Variants in SEMA5A observed in about 807,000 individuals in gnomAD.
SEMA5A encodes semaphorin 5A.
SEMA5A carries 55 observed loss-of-function variants against 135.5 expected under a neutral mutation model. The ratio of observed to expected loss-of-function variants is 0.41; its 90% CI spans 0.33 to 0.51. The LOEUF is 0.51. SEMA5A is among the 20% of genes least tolerant of loss of function. The pLI, the probability that SEMA5A is intolerant of heterozygous loss-of-function variation, is 0.37. For synonymous variants in SEMA5A, 580 were observed against 546.5 expected (o/e 1.06, Z -0.85); for missense variants, 1,290 against 1,419.9 (o/e 0.91, Z 1.47).
intron 3 of SEMA5A, among the ~76,000 whole-genome samples, chr5:9,354,135 G>A (rs1366904285): frequency 6.6e-6 from 1 of 152,126 alleles, no homozygotes; most frequent in Non-Finnish European, 1.5e-5. Context: ...AGGCAATGAG[G>A]AAAATAAATG....
intron 15 of SEMA5A, among the ~76,000 whole-genome samples, chr5:9,113,821 A>C (rs1288225341): frequency 6.6e-6 from 1 of 152,208 alleles, no homozygotes; most frequent in Non-Finnish European, 1.5e-5. Context: ...ATGCAGAGAA[A>C]TTGGAACTCT....
rs111887077 is a variant in SEMA5A at position 9,415,283 on chromosome 5, G to C, written c.-78+22473C>G. On this transcript the variant is annotated intron_variant, in intron 2 of 22. Transcript: ENST00000382496. ...TTAGAAGAAGCTTTGTACCATTCCT[G>C]GGAACTGCTCAGCATCTGGGGTTGC... Among the ~76,000 whole-genome samples the C allele has an allele frequency of 5.6e-3, 853 of 152,272 alleles. 8 individuals are homozygous for C. The highest frequency in any genetic ancestry group is 0.02 in the African/African-American group (820 of 41,542).
intron 11 of SEMA5A, among the ~76,000 whole-genome samples, chr5:9,170,450 T>C (rs1226257624): frequency 6.6e-6 from 1 of 152,150 alleles, no homozygotes; most frequent in African/African-American, 2.4e-5. Flanking sequence ...AGACAGGACA[T>C]GCATATTGAA....
chr5:9,249,883 T>A (rs1432775894), intron 5 of SEMA5A, among the ~76,000 whole-genome samples: 2 of 152,136 alleles, frequency 1.3e-5, no homozygotes, highest in African/African-American at 2.4e-5. Context: ...AGAAAGGACA[T>A]CTAAGCTGGA....
chr5:9,307,343 C>T (rs1368806289), intron 5 of SEMA5A, among the ~76,000 whole-genome samples: 1 of 152,124 alleles, frequency 6.6e-6, no homozygotes, highest in Non-Finnish European at 1.5e-5. Context: ...AGGGTGTTGT[C>T]CATTGCAGCC....
chr5:9,431,989 C>G (rs187275421), intron 2 of SEMA5A, among the ~76,000 whole-genome samples: 6 of 152,196 alleles, frequency 3.9e-5, no homozygotes, highest in African/African-American at 1.2e-4. Context: ...AGACATTCAC[C>G]TAAACAAAAG....
At chr5:9,089,861 A>C (rs1738935542) in intron 16 of SEMA5A, among the ~76,000 whole-genome samples, 1 of 152,194 alleles carries the variant, frequency 6.6e-6, no homozygotes, top group Non-Finnish European at 1.5e-5. Flanking sequence ...ATGAGTGTTA[A>C]ACTTATCAAA....
intron 2 of SEMA5A, among the ~76,000 whole-genome samples, chr5:9,406,042 A>G (rs1756873330): frequency 6.6e-6 from 1 of 152,226 alleles, no homozygotes; most frequent in Admixed American, 6.5e-5. Context: ...TGATGGTACT[A>G]CAGGTCTTCT....
chr5:9,236,350 T>C (rs566194723), intron 6 of SEMA5A, among the ~76,000 whole-genome samples: 27 of 152,310 alleles, frequency 1.8e-4, no homozygotes, highest in African/African-American at 6.5e-4. Context: ...CATGTAAGTC[T>C]GACTCCAGGT....
At chr5:9,174,888 A>G (rs1009648772) in intron 11 of SEMA5A, among the ~76,000 whole-genome samples, 7 of 152,120 alleles carry the variant, frequency 4.6e-5, no homozygotes, top group African/African-American at 1.7e-4. Context: ...TACTCTACAG[A>G]CCTTTGAAGG....
chr5:9,474,264 G>C (rs552498287), intron 1 of SEMA5A, among the ~76,000 whole-genome samples: 2 of 152,198 alleles, frequency 1.3e-5, no homozygotes, highest in African/African-American at 4.8e-5. Flanking sequence ...ACACCCAGCT[G>C]AGGCCAGGTG....
At chr5:9,283,908 T>C (rs1750664703) in intron 5 of SEMA5A, among the ~76,000 whole-genome samples, 1 of 152,172 alleles carries the variant, frequency 6.6e-6, no homozygotes, top group East Asian at 1.9e-4. Flanking sequence ...TTGCAGGACA[T>C]AACACAGAAC....
At chr5:9,492,979 A>G (rs971432695) in intron 1 of SEMA5A, among the ~76,000 whole-genome samples, 2 of 152,146 alleles carry the variant, frequency 1.3e-5, no homozygotes, top group African/African-American at 4.8e-5. Flanking sequence ...TAGAATATAC[A>G]ACACCAAGAG....
At chr5:9,256,887 T>C (rs1008445634) in intron 5 of SEMA5A, among the ~76,000 whole-genome samples, 6 of 152,242 alleles carry the variant, frequency 3.9e-5, no homozygotes, top group Non-Finnish European at 8.8e-5. Flanking sequence ...AAGATTAGCA[T>C]GAAGAGTGAA....
At position 9,226,988 on chromosome 5, in the gene SEMA5A, T is replaced by C. The variant is rs748861147; in HGVS notation, c.334-21A>G. The C allele has an allele frequency of 8.0e-6, 10 of 1,257,766 alleles. No individual in the cohort carries two copies. In the Admixed American group the frequency reaches 2.5e-4, roughly 31 times the overall value. The allele number at this position is 1,257,766 out of a possible 1,614,324, so 77.9% of individuals were successfully genotyped here. A position where few individuals can be genotyped will look rare whatever the true frequency, so the allele number is the denominator to read the frequency against. On this transcript the variant is annotated intron_variant, in intron 6 of 22. Transcript: ENST00000382496. ...TCCTCCTGAGGGAAAATAAATAAAT[T>C]AATTAAAAATATATATATATATGTA...
intron 5 of SEMA5A, among the ~76,000 whole-genome samples, chr5:9,299,979 C>A (rs1751532069): frequency 6.6e-6 from 1 of 152,072 alleles, no homozygotes; most frequent in Admixed American, 6.5e-5. Context: ...ACTGAAATGA[C>A]ATCCAAAACA....
At chr5:9,206,093 A>G (rs1443427516) in intron 8 of SEMA5A, among the ~76,000 whole-genome samples, 1 of 152,180 alleles carries the variant, frequency 6.6e-6, no homozygotes, top group Non-Finnish European at 1.5e-5. Flanking sequence ...GCAATCCACC[A>G]CAAACTAGTA....
intron 2 of SEMA5A, among the ~76,000 whole-genome samples, chr5:9,418,990 G>A (rs959961398): frequency 2.6e-5 from 4 of 152,166 alleles, no homozygotes; most frequent in Admixed American, 2.6e-4. Context: ...CTAACTTCTT[G>A]ATGAAAGTGT....
chr5:9,084,656 C>T (rs1738581751), intron 16 of SEMA5A, among the ~76,000 whole-genome samples: 1 of 152,120 alleles, frequency 6.6e-6, no homozygotes, highest in South Asian at 2.1e-4. Flanking sequence ...TCCAATAAAC[C>T]TCTTTCTTTT....
Sources: gnomAD v4.1 joint callset for allele counts (sites outside exome capture counted in the v4.1 genomes callset) on GRCh38, gnomAD v4.1.1 for gene constraint, MANE v1.5 for transcripts, NCBI Gene and HGNC (gene_info 2026-07-23, HGNC 2026-07-21) for gene names.